SLC6A15: variants seen among roughly 807,000 people sequenced by gnomAD.
The protein encoded by SLC6A15 is sodium-dependent neutral amino acid transporter B(0)AT2.
In SLC6A15, 33 loss-of-function variants were observed where a neutral mutation model predicts 68.5. The ratio of observed to expected loss-of-function variants is 0.48; its 90% CI spans 0.37 to 0.64. The LOEUF is 0.64. Among genes scored for constraint, SLC6A15 ranks in the 30% least tolerant of loss-of-function variants. The pLI, the probability that SLC6A15 is intolerant of heterozygous loss-of-function variation, is 0.00. For missense variants in SLC6A15, 747 were observed against 874.3 expected (o/e 0.85, Z 1.84); for synonymous variants, 347 against 301.0 (o/e 1.15, Z -1.58).
At position 84,859,767 on chromosome 12, in the gene SLC6A15, G is replaced by A. The variant is rs1008668869; in HGVS notation, c.*1865C>T. ...GCCTCTGAAATAAGGAAGCACATTT[G>A]TGAATATTCATACATAAAATGCTGT... On this transcript the variant is annotated 3_prime_UTR_variant, in exon 12 of 12. Coordinates refer to ENST00000266682, the MANE Select transcript of SLC6A15 (RefSeq NM_182767.6). 1 of 151,974 alleles carries A rather than the reference G, an allele frequency of 6.6e-6. No individual in the cohort carries two copies. Among genetic ancestry groups the A allele is most frequent in the East Asian group, 1.9e-4 (1 of 5,192 alleles). 9.4% of individuals were successfully genotyped at this position (151,974 alleles called of 1,614,324 possible). A position where few individuals can be genotyped will look rare whatever the true frequency, so the allele number is the denominator to read the frequency against.
chr12:84,881,898 C>G (rs1253158919), intron 5 of SLC6A15: 1 of 985,284 alleles, frequency 1.0e-6, no homozygotes, highest in Non-Finnish European at 1.2e-6. Flanking sequence ...TTACCTACAG[C>G]TAGCTTTCTC....
At chr12:84,900,338 C>T (rs1344569729) in intron 1 of SLC6A15, among the ~76,000 whole-genome samples, 1 of 151,938 alleles carries the variant, frequency 6.6e-6, no homozygotes, top group Non-Finnish European at 1.5e-5. Flanking sequence ...GATGCTAAAT[C>T]AAGTTTTGCA....
chr12:84,896,777 A>G lies in SLC6A15; in HGVS notation c.-188-4469T>C, dbSNP rs766831749. Among the ~76,000 whole-genome samples the G allele has an allele frequency of 9.5e-4, 145 of 152,254 alleles. 1 individual carries two copies. The highest frequency in any genetic ancestry group is 1.4e-3 in the Admixed American group (22 of 15,286). Reference sequence around the variant, plus strand: ...GAAACAATGTGCTTCAGAGTTACAAAGAAAACATTTATTTAAAATAAATTT... The same window carrying G: ...GAAACAATGTGCTTCAGAGTTACAAGGAAAACATTTATTTAAAATAAATTT... On this transcript the variant is annotated intron_variant, in intron 1 of 11. Transcript: ENST00000266682.
chr12:84,905,426 A>G (rs545654197), intron 1 of SLC6A15, among the ~76,000 whole-genome samples: 8 of 152,222 alleles, frequency 5.3e-5, no homozygotes, highest in Admixed American at 2.6e-4. Context: ...CAGCATCTAC[A>G]AAAAATTTAC....
chr12:84,911,174 T>G (rs1302471435), intron 1 of SLC6A15, among the ~76,000 whole-genome samples: 1 of 152,102 alleles, frequency 6.6e-6, no homozygotes, highest in Non-Finnish European at 1.5e-5. Flanking sequence ...ACAAACACTT[T>G]GTTGCTGGCA....
intron 8 of SLC6A15, 69 bp from the exon 9 acceptor site, chr12:84,870,739 A>G: frequency 1.1e-6 from 1 of 939,622 alleles, no homozygotes; most frequent in Non-Finnish European, 1.6e-6. Context: ...TATGTCAGTT[A>G]CAATGAGGAG....
rs1003644639 is a variant in SLC6A15 at position 84,860,003 on chromosome 12, T to A, written c.*1629A>T. 2.6e-5 allele frequency: 4 copies of A among 152,068 alleles called. No individual in the cohort carries two copies. The highest frequency in any genetic ancestry group is 4.4e-5 in the Non-Finnish European group (3 of 67,926). 9.4% of individuals were successfully genotyped at this position (152,068 alleles called of 1,614,324 possible). On this transcript the variant is annotated 3_prime_UTR_variant, in exon 12 of 12. Transcript: ENST00000266682. ...CATAATTTTTTAGTTTTGTATAATGTGCATATACTGCCTATTTATAAAATA... is the reference window on the plus strand; with the variant it reads ...CATAATTTTTTAGTTTTGTATAATGAGCATATACTGCCTATTTATAAAATA...
intron 10 of SLC6A15, among the ~76,000 whole-genome samples, chr12:84,864,012 T>A (rs1592590524): frequency 6.6e-6 from 1 of 150,938 alleles, no homozygotes; most frequent in South Asian, 2.1e-4. Context: ...GAATTATTAC[T>A]ATGCTATTAA....
At chr12:84,878,588 TAA>T (rs1057076114) in intron 5 of SLC6A15, among the ~76,000 whole-genome samples, 4 of 149,608 alleles carry the variant, frequency 2.7e-5, no homozygotes, top group Non-Finnish European at 4.4e-5. Flanking sequence ...TTATACATTA[TAA>T]AGTCTAGATA....
intron 2 of SLC6A15, among the ~76,000 whole-genome samples, chr12:84,887,562 T>G (rs1380421273): frequency 6.6e-6 from 1 of 152,182 alleles, no homozygotes; most frequent in African/African-American, 2.4e-5. Flanking sequence ...TGCATGAGCT[T>G]AGAAAACAAA....
intron 10 of SLC6A15, among the ~76,000 whole-genome samples, 167 bp downstream of exon 10, chr12:84,866,867 G>A (rs187135338): frequency 2.0e-4 from 30 of 152,260 alleles, no homozygotes; most frequent in African/African-American, 7.2e-4. Flanking sequence ...ACAGGGAAAT[G>A]TAATTTACCA....
chr12:84,866,296 T>C (rs921431621), intron 10 of SLC6A15, among the ~76,000 whole-genome samples: 1 of 152,182 alleles, frequency 6.6e-6, no homozygotes, highest in African/African-American at 2.4e-5. Flanking sequence ...TTGAGAGAAC[T>C]CTGGTGCTTC....
At chr12:84,888,187 G>C (rs964815590) in intron 2 of SLC6A15, among the ~76,000 whole-genome samples, 8 of 148,022 alleles carry the variant, frequency 5.4e-5, no homozygotes, top group African/African-American at 1.8e-4. Flanking sequence ...CTTGAGTCCA[G>C]AGATGGGGAG....
intron 10 of SLC6A15, 93 bp downstream of exon 10, chr12:84,866,941 C>T (rs1280042750): frequency 1.8e-6 from 2 of 1,126,604 alleles, no homozygotes; most frequent in Non-Finnish European, 2.4e-6. Flanking sequence ...TCCCTCTATT[C>T]ATTTATTTCC....
Position 84,870,509 on chromosome 12 carries a change from G to C in SLC6A15, c.1464C>G (p.Asp488Glu), listed in dbSNP as rs753966954. 6.4e-7 allele frequency: 1 copy of C among 1,560,762 alleles called. No homozygotes were observed. The highest frequency in any genetic ancestry group is 1.2e-5 in the South Asian group (1 of 83,114). Reference protein sequence around the residue: ...TIEGIVTPIVDTFKVRKEILT... With the variant: ...TIEGIVTPIVETFKVRKEILT... ...GAATTTCTTTCCTCACTTTGAAAGT[G>C]TCCACAATAGGCGTGACAATCCCTT... Residue 488 changes from aspartate (D) to glutamate (E), a missense_variant, in exon 9 of 12, where the codon GAC becomes GAG. Physicochemically the swap from Asp to Glu is conservative, Grantham distance 45. Transcript: ENST00000266682.
At chr12:84,879,348 C>G (rs997913251) in intron 5 of SLC6A15, among the ~76,000 whole-genome samples, 1 of 151,356 alleles carries the variant, frequency 6.6e-6, no homozygotes, top group African/African-American at 2.4e-5. Context: ...TTTTTGGAGA[C>G]CGAGTCTCAC....
intron 1 of SLC6A15, among the ~76,000 whole-genome samples, chr12:84,893,638 A>G (rs1872519809): frequency 6.6e-6 from 1 of 152,222 alleles, no homozygotes; most frequent in Non-Finnish European, 1.5e-5. Context: ...ATTTATTAAG[A>G]GAACTGCTAT....
rs1224891734 is a variant in SLC6A15 at position 84,859,763 on chromosome 12, A to G, written c.*1869T>C. 2 of 152,124 alleles carry G rather than the reference A, an allele frequency of 1.3e-5. No individual in the cohort carries two copies. The highest frequency in any genetic ancestry group is 2.9e-5 in the Non-Finnish European group (2 of 67,952). 9.4% of individuals were successfully genotyped at this position (152,124 alleles called of 1,614,324 possible). ...TTCAGCCTCTGAAATAAGGAAGCAC[A>G]TTTGTGAATATTCATACATAAAATG... On this transcript the variant is annotated 3_prime_UTR_variant, in exon 12 of 12. Coordinates refer to ENST00000266682, the MANE Select transcript of SLC6A15 (RefSeq NM_182767.6).
At chr12:84,895,643 AGTTT>A (rs371006947) in intron 1 of SLC6A15, among the ~76,000 whole-genome samples, 11 of 151,974 alleles carry the variant, frequency 7.2e-5, no homozygotes, top group African/African-American at 2.4e-4. Flanking sequence ...CACCATGACC[AGTTT>A]GTTTGTATTT....
Sources: allele counts gnomAD v4.1 joint callset (sites outside exome capture counted in the v4.1 genomes callset), GRCh38; gene constraint gnomAD v4.1.1; transcripts MANE v1.5; gene names NCBI Gene and HGNC (gene_info 2026-07-23, HGNC 2026-07-21).